PCDHA4: variants seen among roughly 807,000 people sequenced by gnomAD.
PCDHA4 encodes protocadherin alpha 4, also known as protocadherin alpha-4.
A neutral mutation model predicts 61.4 loss-of-function variants in PCDHA4; 49 were observed. The observed-to-expected ratio is 0.80, with a 90% CI of 0.63 to 1.01. The LOEUF is 1.01. PCDHA4 is among the 50% of genes least tolerant of loss of function. The probability of loss-of-function intolerance (pLI) is 0.00; values close to 1 mark genes in which losing one functional copy is unlikely to be tolerated. For synonymous variants in PCDHA4, 590 were observed against 550.3 expected (o/e 1.07, Z -1.01); for missense variants, 1,254 against 1,235.8 (o/e 1.01, Z -0.22).
intron 1 of PCDHA4, chr5:140,821,910 C>A: frequency 6.2e-7 from 1 of 1,614,236 alleles, no homozygotes; most frequent in Non-Finnish European, 8.5e-7. Flanking sequence ...CCTTCGTTGG[C>A]CGCATCGCGC....
At chr5:140,863,216 C>A (rs781920741) in intron 1 of PCDHA4, 5 of 1,084,226 alleles carry the variant, frequency 4.6e-6, no homozygotes, top group African/African-American at 1.6e-5. Context: ...AGCAGCCAAG[C>A]GAGGAAGGTC....
At chr5:140,984,398 A>T (rs1377930175) in intron 3 of PCDHA4, among the ~76,000 whole-genome samples, 1 of 152,142 alleles carries the variant, frequency 6.6e-6, no homozygotes, top group Non-Finnish European at 1.5e-5. Flanking sequence ...AAATGTTGAG[A>T]ACCTATCTTT....
chr5:140,874,521 T>C (rs571924676), intron 1 of PCDHA4, among the ~76,000 whole-genome samples: 4 of 152,358 alleles, frequency 2.6e-5, no homozygotes, highest in African/African-American at 9.6e-5. Flanking sequence ...CTTTAGTCAA[T>C]GAGATTAGGC....
intron 1 of PCDHA4, among the ~76,000 whole-genome samples, chr5:140,826,625 C>A (rs1180979712): frequency 6.6e-6 from 1 of 151,940 alleles, no homozygotes; most frequent in African/African-American, 2.4e-5. Flanking sequence ...TGATATTTGG[C>A]CCTGACTTTT....
intron 1 of PCDHA4, chr5:140,877,777 C>T: frequency 6.2e-7 from 1 of 1,614,172 alleles, no homozygotes; most frequent in South Asian, 1.1e-5. Context: ...CAAGACGGAC[C>T]TCATGGCCTT....
chr5:140,929,539 G>A (rs155821), intron 1 of PCDHA4: 194,060 of 591,620 alleles, frequency 0.33, 32,601 homozygotes, highest in East Asian at 0.49. Flanking sequence ...TGAGAAACAA[G>A]GGCAAAAATT....
chr5:140,879,557 T>C (rs1554170871), intron 1 of PCDHA4, among the ~76,000 whole-genome samples: 1 of 152,152 alleles, frequency 6.6e-6, no homozygotes, highest in Non-Finnish European at 1.5e-5. Flanking sequence ...AAATAATCCA[T>C]GAAAGAATAA....
At chr5:140,980,358 G>A (rs143597147) in intron 2 of PCDHA4, among the ~76,000 whole-genome samples, 260 of 152,274 alleles carry the variant, frequency 1.7e-3, no homozygotes, top group South Asian at 0.014. Context: ...TGGACTGGGC[G>A]CGGTGGCTCA....
rs10076265 is a variant in PCDHA4 at position 140,884,506 on chromosome 5, G to A, written c.2385+74934G>A. 61 of 1,614,172 alleles carry A rather than the reference G, an allele frequency of 3.8e-5. No homozygotes were observed. In the South Asian group the frequency reaches 5.9e-4, roughly 16 times the overall value. ...CTCTAGTGTGCTCCAGCGCGGCAGG[G>A]AGTTGGTCGTACTCGCAGCAGAGGC... On this transcript the variant is annotated intron_variant, in intron 1 of 3. Transcript: ENST00000530339.
At chr5:140,967,123 C>T in intron 1 of PCDHA4, 1 of 1,612,724 alleles carries the variant, frequency 6.2e-7, no homozygotes, top group Non-Finnish European at 8.5e-7. Context: ...GCTGCCTGCT[C>T]AGCTTGGAAG....
chr5:140,823,375 G>T, intron 1 of PCDHA4: 1 of 1,612,808 alleles, frequency 6.2e-7, no homozygotes, highest in Non-Finnish European at 8.5e-7. Context: ...GCAGTTCCAG[G>T]TGAGCGCGCG....
At chr5:140,949,826 T>G (rs954476311) in intron 1 of PCDHA4, among the ~76,000 whole-genome samples, 2 of 151,922 alleles carry the variant, frequency 1.3e-5, no homozygotes, top group Non-Finnish European at 2.9e-5. Flanking sequence ...ATTTGTCCCC[T>G]CTGATTTTGT....
intron 1 of PCDHA4, chr5:140,824,044 G>T: frequency 6.2e-7 from 1 of 1,614,184 alleles, no homozygotes; most frequent in Middle Eastern, 1.6e-4. Flanking sequence ...GAGACAGAGG[G>T]TGTGCTCTGG....
intron 1 of PCDHA4, chr5:140,870,530 T>C (rs2052115440): frequency 6.2e-7 from 1 of 1,614,198 alleles, no homozygotes; most frequent in African/African-American, 1.3e-5. Flanking sequence ...ATCTTCACAG[T>C]GTCGGCGCGG....
At chr5:140,912,410 T>C (rs2075912290) in intron 1 of PCDHA4, among the ~76,000 whole-genome samples, 1 of 152,090 alleles carries the variant, frequency 6.6e-6, no homozygotes, top group Non-Finnish European at 1.5e-5. Context: ...AGCTTGGTTA[T>C]TATTGGTGTA....
At chr5:140,981,049 T>C (rs2096916420) in intron 2 of PCDHA4, among the ~76,000 whole-genome samples, 1 of 152,158 alleles carries the variant, frequency 6.6e-6, no homozygotes. Context: ...AAACAGATAA[T>C]TCTAGAGTGT....
At chr5:140,871,089 C>T in intron 1 of PCDHA4, 1 of 1,613,254 alleles carries the variant, frequency 6.2e-7, no homozygotes, top group Non-Finnish European at 8.5e-7. Flanking sequence ...CGGCCACGGC[C>T]ACCGTGCTGG....
intron 1 of PCDHA4, among the ~76,000 whole-genome samples, chr5:140,821,030 C>T (rs2150108519): frequency 6.6e-6 from 1 of 151,546 alleles, no homozygotes; most frequent in Admixed American, 6.6e-5. Context: ...ATTAGAACTC[C>T]GAGAAGAAAC....
At chr5:140,990,541 A>T (rs868916666) in intron 3 of PCDHA4, among the ~76,000 whole-genome samples, 1 of 152,210 alleles carries the variant, frequency 6.6e-6, no homozygotes, top group Admixed American at 6.5e-5. Context: ...CATCATAGAT[A>T]CTGTATTACC....
Sources: allele counts gnomAD v4.1 joint callset (sites outside exome capture counted in the v4.1 genomes callset), GRCh38; gene constraint gnomAD v4.1.1; transcripts MANE v1.5; gene names NCBI Gene and HGNC (gene_info 2026-07-23, HGNC 2026-07-21).